ZPBP: variants seen among roughly 807,000 people sequenced by gnomAD.
ZPBP encodes the protein zona pellucida-binding protein 1.
Under a neutral mutation model 44.8 loss-of-function variants are expected in ZPBP, and 26 were observed. The observed-to-expected ratio is 0.58, with a 90% CI of 0.43 to 0.81. The LOEUF is 0.81. Ranked by LOEUF, ZPBP falls within the 30% of genes least tolerant of loss-of-function variation. ZPBP has a pLI of 0.00. For synonymous variants in ZPBP, 174 were observed against 153.2 expected (o/e 1.14, Z -1.00); for missense variants, 409 against 434.0 (o/e 0.94, Z 0.51).
At chr7:49,903,881 G>C (rs1792926489) in intron 1 of ZPBP, among the ~76,000 whole-genome samples, 1 of 152,114 alleles carries the variant, frequency 6.6e-6, no homozygotes. Flanking sequence ...GGAAAGACTG[G>C]CTGGTGGCAG....
chr7:50,035,165 A>AT (rs1337477679), intron 4 of ZPBP, among the ~76,000 whole-genome samples: 1 of 152,214 alleles, frequency 6.6e-6, no homozygotes, highest in East Asian at 1.9e-4. Flanking sequence ...ACTAAATTGG[A>AT]TTTGTGGCTC....
chr7:49,928,601 T>C (rs1420984274), intron 1 of ZPBP, among the ~76,000 whole-genome samples: 1 of 152,184 alleles, frequency 6.6e-6, no homozygotes, highest in Non-Finnish European at 1.5e-5. Context: ...GAACTTCCCA[T>C]GAGGTCACAG....
intron 3 of ZPBP, among the ~76,000 whole-genome samples, chr7:50,065,991 C>T (rs973698551): frequency 1.3e-5 from 2 of 151,068 alleles, no homozygotes; most frequent in African/African-American, 4.9e-5. Context: ...TGACATACTA[C>T]TTAGTAGAGC....
At chr7:49,982,867 T>C (rs1564658) in intron 7 of ZPBP, among the ~76,000 whole-genome samples, 39,814 of 151,720 alleles carry the variant, frequency 0.26, 6,501 homozygotes, top group Non-Finnish European at 0.37. Flanking sequence ...AAAGAAAGAA[T>C]GAATGTCAGA....
At chr7:49,937,338 G>C, downstream of ZPBP, 1 of 545,016 alleles carries the variant, frequency 1.8e-6, no homozygotes, top group Non-Finnish European at 3.3e-6. Flanking sequence ...TCATATGTAG[G>C]TTTGGCATTA....
chr7:49,908,470 T>A (rs1259810015), intron 1 of ZPBP, among the ~76,000 whole-genome samples: 1 of 152,150 alleles, frequency 6.6e-6, no homozygotes, highest in Non-Finnish European at 1.5e-5. Context: ...AAATGTTTCA[T>A]TGTATGAGAA....
chr7:49,873,447 A>AT (rs1562744744), intron 2 of ZPBP, among the ~76,000 whole-genome samples: 5 of 151,956 alleles, frequency 3.3e-5, no homozygotes, highest in African/African-American at 1.2e-4. Context: ...TGCCCAAGTC[A>AT]CCACCTCCTG....
At chr7:49,844,596 T>G in the ZPBP span, among the ~76,000 whole-genome samples, 1 of 152,242 alleles carries the variant, frequency 6.6e-6, no homozygotes, top group Non-Finnish European at 1.5e-5. Flanking sequence ...GCATGGAAGA[T>G]TGTGAGAGCC....
chr7:49,929,937 C>T (rs929351641), intron 1 of ZPBP, among the ~76,000 whole-genome samples: 1 of 152,064 alleles, frequency 6.6e-6, no homozygotes. Context: ...GTCCTTGTCC[C>T]CTTTTAAATT....
chr7:50,091,047 C>T (rs1338509440), intron 1 of ZPBP, among the ~76,000 whole-genome samples: 3 of 151,816 alleles, frequency 2.0e-5, no homozygotes, highest in Non-Finnish European at 4.4e-5. Context: ...TTTTGATTTG[C>T]ATTTCTCTGA....
intron 1 of ZPBP, among the ~76,000 whole-genome samples, chr7:49,906,369 C>G (rs943817644): frequency 6.6e-6 from 1 of 152,146 alleles, no homozygotes; most frequent in South Asian, 2.1e-4. Flanking sequence ...GAGTCTTGCT[C>G]TGTCGCCCAG....
rs1170592952 is a variant in ZPBP at position 50,033,677 on chromosome 7, A to AGTTT, written c.488-2371_488-2368dup. On this transcript the variant is annotated intron_variant, in intron 4 of 7. Transcript: ENST00000046087. ...TAACGTCAATAATTATTCTTTCTAC[A>AGTTT]GTTTATTTATTTATTTATTTATTTA... 4.1e-3 allele frequency among the ~76,000 whole-genome samples: 189 copies of AGTTT among 46,268 alleles called. 1 individual carries two copies. Among genetic ancestry groups the AGTTT allele is most frequent in the African/African-American group, 8.9e-3 (98 of 10,954 alleles). 30.4% of individuals were successfully genotyped at this position (46,268 alleles called of 152,430 possible).
chr7:49,944,002 A>G (rs990648012), intron 7 of ZPBP: 10 of 290,236 alleles, frequency 3.4e-5, no homozygotes, highest in Non-Finnish European at 4.8e-5. Flanking sequence ...CCTTTGTGAC[A>G]TAGGGCCAAA....
In ZPBP at chr7:49,983,431, T is replaced by C; in HGVS notation, c.872A>G (p.Glu291Gly). ...AATCCAAACCATTTGGAGAGTACCT[T>C]CAATATAGTATATTTGAGGTAATTG... ...AEQLPQIYYI[E>G]GTLQMVWINR... Residue 291 changes from glutamate to glycine, a missense_variant, in exon 7 of 8, where the codon GAA becomes GGA. By Grantham distance (98) the Glu-to-Gly change is moderately conservative. Coordinates refer to ENST00000046087, the MANE Select transcript of ZPBP (RefSeq NM_007009.3). 2 of 1,610,892 alleles carry C rather than the reference T, an allele frequency of 1.2e-6. No individual in the cohort carries two copies. The highest frequency in any genetic ancestry group is 2.2e-5 in the South Asian group (2 of 91,020).
At chr7:49,860,934 G>A (rs1360700895) in intron 2 of ZPBP, among the ~76,000 whole-genome samples, 1 of 152,148 alleles carries the variant, frequency 6.6e-6, no homozygotes, top group Non-Finnish European at 1.5e-5. Flanking sequence ...CTTGACCTTG[G>A]ACTTTCTGCC....
At chr7:49,947,999 T>C (rs1021186633) in intron 7 of ZPBP, among the ~76,000 whole-genome samples, 31 of 152,238 alleles carry the variant, frequency 2.0e-4, no homozygotes, top group African/African-American at 7.5e-4. Flanking sequence ...GCAGCAAGTA[T>C]TGCCTGGCTA....
chr7:49,940,001 C>T (rs754477229), intron 7 of ZPBP, among the ~76,000 whole-genome samples: 1 of 152,132 alleles, frequency 6.6e-6, no homozygotes, highest in African/African-American at 2.4e-5. Context: ...TTGTAGGCAA[C>T]CCAATCACTC....
intron 4 of ZPBP, among the ~76,000 whole-genome samples, chr7:50,047,008 A>G (rs1001355038): frequency 6.6e-6 from 1 of 152,202 alleles, no homozygotes; most frequent in East Asian, 1.9e-4. Context: ...ACATGGAGGA[A>G]GCTGGAAAAC....
intron 2 of ZPBP, among the ~76,000 whole-genome samples, chr7:49,873,800 T>C (rs951332824): frequency 1.3e-5 from 2 of 151,742 alleles, no homozygotes; most frequent in Non-Finnish European, 2.9e-5. Flanking sequence ...AATGTGGCCA[T>C]CAAGAGAAAA....
Sources: gnomAD v4.1 joint callset for allele counts (sites outside exome capture counted in the v4.1 genomes callset) on GRCh38, gnomAD v4.1.1 for gene constraint, MANE v1.5 for transcripts, NCBI Gene and HGNC (gene_info 2026-07-23, HGNC 2026-07-21) for gene names.